SV2C: variants seen among roughly 807,000 people sequenced by gnomAD.
The protein encoded by SV2C is synaptic vesicle glycoprotein 2C, also known as solute carrier family 22 member B3.
SV2C carries 49 observed loss-of-function variants against 79.7 expected under a neutral mutation model. The ratio of observed to expected loss-of-function variants is 0.61; its 90% CI spans 0.49 to 0.78. SV2C has a LOEUF of 0.78. Ranked by LOEUF, SV2C falls within the 30% of genes least tolerant of loss-of-function variation. The pLI is 0.00. For missense variants in SV2C, 833 were observed against 912.9 expected, an observed-to-expected ratio of 0.91 and a Z score of 1.13; for synonymous variants, 334 against 333.2, an observed-to-expected ratio of 1.00 and a Z score of -0.03.
the SV2C span, among the ~76,000 whole-genome samples, chr5:76,042,676 T>C: frequency 1.3e-5 from 2 of 152,238 alleles, no homozygotes; most frequent in Non-Finnish European, 2.9e-5. Flanking sequence ...TCCATGGCTC[T>C]GCTCCTGTTA....
chr5:76,285,729 G>A, intron 5 of SV2C, 52 bp from the exon 6 acceptor site: 1 of 1,489,062 alleles, frequency 6.7e-7, no homozygotes, highest in Admixed American at 1.8e-5. Flanking sequence ...GGAAAATCAG[G>A]GAGGGTAAGT....
chr5:75,966,363 A>G, the SV2C span, among the ~76,000 whole-genome samples: 2 of 152,158 alleles, frequency 1.3e-5, no homozygotes, highest in African/African-American at 4.8e-5. Flanking sequence ...AAACTACCAG[A>G]CCCCAAATAA....
At chr5:76,308,829 A>C (rs1374199252) in intron 12 of SV2C, among the ~76,000 whole-genome samples, 1 of 152,162 alleles carries the variant, frequency 6.6e-6, no homozygotes, top group South Asian at 2.1e-4. Flanking sequence ...TAAGAAAAGT[A>C]TATCTATTCC....
the SV2C span, among the ~76,000 whole-genome samples, chr5:75,882,648 G>A: frequency 0.12 from 18,628 of 151,762 alleles, 1,256 homozygotes; most frequent in African/African-American, 0.21. Flanking sequence ...AAGCAATGAG[G>A]AAAGGATTCC....
chr5:75,970,695 C>T, the SV2C span, among the ~76,000 whole-genome samples: 1 of 151,852 alleles, frequency 6.6e-6, no homozygotes, highest in Admixed American at 6.6e-5. Flanking sequence ...GCTTACCAAC[C>T]AAAAAAAGTC....
In SV2C at chr5:76,344,154, C is replaced by T. The variant is rs536079823; in HGVS notation, c.2001-8976C>T. Among the ~76,000 whole-genome samples the T allele has an allele frequency of 1.2e-3, 178 of 152,302 alleles. 1 individual carries two copies. The highest frequency in any genetic ancestry group is 6.8e-3 in the Middle Eastern group (2 of 294). ...CCTGAATTATATATTCTACTTCTCC[C>T]TGTTTTCCAGCATTTTTATGATTCC... On this transcript the variant is annotated intron_variant, in intron 12 of 12. Transcript: ENST00000322285.
chr5:76,344,087 C>T (rs754988500), intron 12 of SV2C, among the ~76,000 whole-genome samples: 11 of 152,174 alleles, frequency 7.2e-5, no homozygotes, highest in East Asian at 1.9e-4. Flanking sequence ...ATCATCCAAC[C>T]TCTGCCCCCT....
At chr5:75,860,543 C>T in the SV2C span, among the ~76,000 whole-genome samples, 63 of 152,202 alleles carry the variant, frequency 4.1e-4, no homozygotes, top group Middle Eastern at 3.4e-3. Flanking sequence ...AATGCTATTC[C>T]GATTCAACTA....
chr5:75,891,969 C>A, the SV2C span, among the ~76,000 whole-genome samples: 1 of 152,058 alleles, frequency 6.6e-6, no homozygotes, highest in Non-Finnish European at 1.5e-5. Flanking sequence ...CCCTGACCTC[C>A]CCAGCAAAAT....
the SV2C span, among the ~76,000 whole-genome samples, chr5:75,857,996 T>C: frequency 6.6e-6 from 1 of 152,242 alleles, no homozygotes. Context: ...GTTCTAATAG[T>C]TCTTTGGTGG....
At chr5:75,999,511 G>A in the SV2C span, among the ~76,000 whole-genome samples, 2 of 152,102 alleles carry the variant, frequency 1.3e-5, no homozygotes, top group East Asian at 3.9e-4. Context: ...GTGTAATTCT[G>A]CCCGTGTCCA....
At chr5:75,910,974 G>A in the SV2C span, 9 of 924,064 alleles carry the variant, frequency 9.7e-6, no homozygotes, top group East Asian at 2.4e-5. Context: ...CCCCCAGTTC[G>A]AACATCTATG....
chr5:76,277,214 G>T (rs1202065091), intron 4 of SV2C, among the ~76,000 whole-genome samples: 1 of 150,152 alleles, frequency 6.7e-6, no homozygotes, highest in African/African-American at 2.4e-5. Flanking sequence ...AGCTAAACAT[G>T]AGCTTATTAT....
At chr5:76,350,345 T>G (rs1749622958) in intron 12 of SV2C, among the ~76,000 whole-genome samples, 1 of 152,150 alleles carries the variant, frequency 6.6e-6, no homozygotes, top group African/African-American at 2.4e-5. Flanking sequence ...TATGGGAATA[T>G]GGGGAACTCT....
the SV2C span, among the ~76,000 whole-genome samples, chr5:75,874,930 A>G: frequency 1.3e-5 from 2 of 152,210 alleles, no homozygotes; most frequent in Non-Finnish European, 1.5e-5. Flanking sequence ...ATGGAAAAAC[A>G]TTCCATGCTC....
rs147698357 is a variant in SV2C, at chr5:76,210,871, A to G, written c.913+984A>G. On this transcript the variant is annotated intron_variant, in intron 4 of 12. Coordinates refer to ENST00000502798, the MANE Select transcript of SV2C (RefSeq NM_014979.4). ...GAACCATGAATGACGACGAACACAT[A>G]TGTTTCTTATTATAATCACAGCATC... Among the ~76,000 whole-genome samples, 24 of 152,306 alleles carry G rather than the reference A, an allele frequency of 1.6e-4. 1 individual carries two copies. In the South Asian group the frequency reaches 4.3e-3, roughly 28 times the overall value.
intron 2 of SV2C, among the ~76,000 whole-genome samples, chr5:76,187,570 C>T (rs542442996): frequency 6.6e-6 from 1 of 151,984 alleles, no homozygotes; most frequent in African/African-American, 2.4e-5. Flanking sequence ...GGTTTTCCCC[C>T]CTTTGTACAT....
chr5:75,870,299 T>C, the SV2C span, among the ~76,000 whole-genome samples: 1 of 151,682 alleles, frequency 6.6e-6, no homozygotes, highest in Non-Finnish European at 1.5e-5. Flanking sequence ...CCAGATAAAT[T>C]TAACAAAAAG....
intron 1 of SV2C, among the ~76,000 whole-genome samples, chr5:76,117,503 G>A (rs1002451546): frequency 1.3e-5 from 2 of 151,968 alleles, no homozygotes; most frequent in African/African-American, 4.8e-5. Flanking sequence ...AAGGAGATGA[G>A]GATAATCAAT....
Sources: allele counts gnomAD v4.1 joint callset (sites outside exome capture counted in the v4.1 genomes callset), GRCh38; gene constraint gnomAD v4.1.1; transcripts MANE v1.5; gene names NCBI Gene and HGNC (gene_info 2026-07-23, HGNC 2026-07-21).